Variants in CELF2 observed in about 807,000 individuals in gnomAD.
CELF2 encodes the protein CUGBP Elav-like family member 2, also known as CUG triplet repeat RNA-binding protein 2.
CELF2 carries 8 observed loss-of-function variants against 62.6 expected under a neutral mutation model. The ratio of observed to expected loss-of-function variants is 0.13; its 90% CI spans 0.07 to 0.23. The LOEUF is 0.23. Ranked by LOEUF, CELF2 falls within the 10% of genes least tolerant of loss-of-function variation. The pLI, the probability that CELF2 is intolerant of heterozygous loss-of-function variation, is 1.00. For synonymous variants in CELF2, 258 were observed against 250.0 expected (o/e 1.03, Z -0.30); for missense variants, 333 against 671.0 (o/e 0.50, Z 5.56).
At chr10:11,051,106 C>T (rs938829891) in intron 1 of CELF2, among the ~76,000 whole-genome samples, 3 of 152,172 alleles carry the variant, frequency 2.0e-5, no homozygotes, top group Admixed American at 1.3e-4. Context: ...GACACTTCTT[C>T]GCTGTGGGAA....
the CELF2 span, chr10:10,784,440 A>G: frequency 6.6e-6 from 1 of 152,378 alleles, no homozygotes; most frequent in Non-Finnish European, 1.5e-5. Flanking sequence ...CACAGACTTG[A>G]AAGATGAATG....
At chr10:10,497,109 C>T in the CELF2 span, among the ~76,000 whole-genome samples, 2 of 151,330 alleles carry the variant, frequency 1.3e-5, no homozygotes, top group African/African-American at 4.9e-5. Flanking sequence ...TGCTTGAACT[C>T]AGGAGGCAGA....
chr10:10,630,446 C>T, the CELF2 span, among the ~76,000 whole-genome samples: 2 of 152,270 alleles, frequency 1.3e-5, no homozygotes, highest in Admixed American at 6.5e-5. Context: ...ACTGGGATCT[C>T]TATCTAATCT....
chr10:11,032,075 T>C (rs2060199697), intron 1 of CELF2, among the ~76,000 whole-genome samples: 1 of 148,500 alleles, frequency 6.7e-6, no homozygotes, highest in Non-Finnish European at 1.5e-5. Flanking sequence ...CATGCCTTCT[T>C]GGGGCAGGTG....
In CELF2 at chr10:11,227,322, G is replaced by T. The variant is rs540397764; in HGVS notation, c.354+9815G>T. On this transcript the variant is annotated intron_variant, in intron 3 of 12. Transcript: ENST00000633077. The surrounding 1 kb of genome is among the most constrained non-coding windows in gnomAD (Gnocchi z 4.8). ...ATCTGCTGCTGCCGACAAGGGACCA[G>T]ACTCACCACCACAAACCAGGGCACT... is the stretch of plus-strand genomic sequence containing the variant. 6.6e-6 allele frequency among the ~76,000 whole-genome samples: 1 copy of T among 152,214 alleles called. No individual in the cohort carries two copies. Among genetic ancestry groups the T allele is most frequent in the Non-Finnish European group, 1.5e-5 (1 of 68,042 alleles).
At chr10:10,598,858 A>G in the CELF2 span, among the ~76,000 whole-genome samples, 1 of 145,630 alleles carries the variant, frequency 6.9e-6, no homozygotes, top group Non-Finnish European at 1.5e-5. Flanking sequence ...GGTTAAAGCA[A>G]TTCTCTGCCT....
At position 11,237,454 on chromosome 10, in the gene CELF2, G is replaced by A. The variant is rs60870367; in HGVS notation, c.355-11699G>A. ...GAGTCTGAGTAGTAGGTCATCCTGGGAAGCAGTGTAAGAGATCAGGGTGGA... is the reference window on the plus strand; with the variant it reads ...GAGTCTGAGTAGTAGGTCATCCTGGAAAGCAGTGTAAGAGATCAGGGTGGA... On this transcript the variant is annotated intron_variant, in intron 3 of 12. Transcript: ENST00000633077. This position sits in a 1 kb window ranked among gnomAD's most constrained non-coding sequence, Gnocchi z 4.0. Among the ~76,000 whole-genome samples, 3,070 of 152,228 alleles carry A rather than the reference G, an allele frequency of 0.02. 126 individuals carry two copies. Among genetic ancestry groups the A allele is most frequent in the African/African-American group, 0.071 (2,933 of 41,502 alleles).
In CELF2 at chr10:11,242,136, C is replaced by T. The variant is rs74845247; in HGVS notation, c.355-7017C>T. Among the ~76,000 whole-genome samples the T allele has an allele frequency of 3.9e-3, 600 of 152,266 alleles. 3 individuals carry two copies. Among genetic ancestry groups the T allele is most frequent in the African/African-American group, 0.013 (557 of 41,540 alleles). On this transcript the variant is annotated intron_variant, in intron 3 of 12. Transcript: ENST00000633077. This position sits in a 1 kb window ranked among gnomAD's most constrained non-coding sequence, Gnocchi z 4.8. ...TTAAATATTTTATGGGCAGTAAGCT[C>T]ACAATATGTGCTAGCACGGCTGCTC...
chr10:11,171,894 G>C lies in CELF2; in HGVS notation c.271+6212G>C, dbSNP rs188005043. ...TAAGGAATGCCTTTGGCCGCTTTAT[G>C]GAGGACTGGAGTGGGGAGGGTCATT... On this transcript the variant is annotated intron_variant, in intron 2 of 12. Coordinates refer to ENST00000633077, the MANE Select transcript of CELF2 (RefSeq NM_001326342.2). Among the ~76,000 whole-genome samples, 77 of 152,318 alleles carry C rather than the reference G, an allele frequency of 5.1e-4. 1 individual carries two copies. The highest frequency in any genetic ancestry group is 1.8e-3 in the African/African-American group (75 of 41,558).
At chr10:10,791,996 G>A in the CELF2 span, among the ~76,000 whole-genome samples, 1 of 100,570 alleles carries the variant, frequency 9.9e-6, no homozygotes, top group African/African-American at 3.6e-5. Context: ...GAAAAGAGAA[G>A]GAAGGGAGAA....
the CELF2 span, among the ~76,000 whole-genome samples, chr10:10,703,931 C>T: frequency 6.6e-6 from 1 of 152,182 alleles, no homozygotes; most frequent in Admixed American, 6.5e-5. Context: ...TCTCTTCTGC[C>T]TTGAAAGATC....
intron 7 of CELF2, among the ~76,000 whole-genome samples, chr10:11,274,079 G>T (rs1323725886): frequency 1.3e-5 from 2 of 150,956 alleles, no homozygotes; most frequent in African/African-American, 4.9e-5. Flanking sequence ...TTCCTCCTGA[G>T]CACACAATGT....
chr10:10,825,600 T>G lies in CELF2; in HGVS notation c.53+26783T>G, dbSNP rs182015864. Among the ~76,000 whole-genome samples, 30 of 152,322 alleles carry G rather than the reference T, an allele frequency of 2.0e-4. No homozygotes were observed. The East Asian group carries it at 5.4e-3, about 27-fold the overall frequency. On this transcript the variant is annotated intron_variant, in intron 1 of 13. Transcript: ENST00000636488. Reference sequence around the variant, plus strand: ...ATGGTAAAGCTAATATTTGCACATGTGCTTAAATGTGCCTGTCATTTTTGC... The same window carrying G: ...ATGGTAAAGCTAATATTTGCACATGGGCTTAAATGTGCCTGTCATTTTTGC...
intron 1 of CELF2, among the ~76,000 whole-genome samples, chr10:11,025,718 A>C (rs1317190080): frequency 6.6e-6 from 1 of 152,266 alleles, no homozygotes; most frequent in Non-Finnish European, 1.5e-5. Flanking sequence ...AAAAGTGATC[A>C]TACTTGTGTT....
chr10:11,268,985 G>A lies in CELF2; in HGVS notation c.619-1681G>A, dbSNP rs1182377633. On this transcript the variant is annotated intron_variant, in intron 6 of 12. Transcript: ENST00000633077. This position sits in a 1 kb window ranked among gnomAD's most constrained non-coding sequence, Gnocchi z 4.7. ...AATCATTTTTAAGCTATAATCATTG[G>A]CCTAATTTTCTGCTTTTATATCATT... is the stretch of plus-strand genomic sequence containing the variant. 1.3e-5 allele frequency among the ~76,000 whole-genome samples: 2 copies of A among 151,980 alleles called. No individual in the cohort carries two copies. The highest frequency in any genetic ancestry group is 4.8e-5 in the African/African-American group (2 of 41,364).
the CELF2 span, among the ~76,000 whole-genome samples, chr10:10,539,433 C>T: frequency 6.6e-6 from 1 of 151,656 alleles, no homozygotes; most frequent in Admixed American, 6.6e-5. Flanking sequence ...AAAGAACCAG[C>T]CCTCAACCCC....
chr10:10,877,104 G>C (rs147074053), intron 1 of CELF2, among the ~76,000 whole-genome samples: 12 of 152,336 alleles, frequency 7.9e-5, no homozygotes, highest in African/African-American at 2.9e-4. Context: ...ATGTAGACTT[G>C]CCTTAAACAA....
intron 1 of CELF2, among the ~76,000 whole-genome samples, chr10:11,065,565 A>G (rs764166014): frequency 6.6e-6 from 1 of 152,118 alleles, no homozygotes. Context: ...TGTCAAAATG[A>G]GGGGGGGATC....
intron 1 of CELF2, among the ~76,000 whole-genome samples, chr10:11,048,053 C>G (rs1265238800): frequency 6.6e-6 from 1 of 152,190 alleles, no homozygotes; most frequent in Non-Finnish European, 1.5e-5. Context: ...CCAGTTTGTT[C>G]TCTTCTCAGG....
Sources: allele counts gnomAD v4.1 joint callset (sites outside exome capture counted in the v4.1 genomes callset), GRCh38; gene constraint gnomAD v4.1.1; non-coding constraint Gnocchi (gnomAD v3.1); transcripts MANE v1.5; gene names NCBI Gene and HGNC (gene_info 2026-07-23, HGNC 2026-07-21).